The following TMEM114 variants were observed in gnomAD, a reference collection of about 807,000 sequenced individuals.
TMEM114 encodes transmembrane protein 114, also known as claudin-26.
TMEM114 carries 6 observed loss-of-function variants against 6.2 expected under a neutral mutation model. The observed-to-expected ratio is 0.97, with a 90% CI of 0.53 to 1.91. The LOEUF is 1.91. TMEM114 is among the 40% of genes most tolerant of loss of function. The pLI is 0.01. For synonymous variants in TMEM114, 104 were observed against 73.0 expected (o/e 1.42, Z -2.16); for missense variants, 218 against 158.3 (o/e 1.38, Z -2.02).
intron 2 of TMEM114, among the ~76,000 whole-genome samples, chr16:8,556,060 A>C (rs534578049): frequency 6.6e-6 from 1 of 152,344 alleles, no homozygotes; most frequent in Non-Finnish European, 1.5e-5. Context: ...CAGCTCTGTG[A>C]ATCATAATAC....
At chr16:8,556,225 C>G (rs1313848977) in intron 2 of TMEM114, among the ~76,000 whole-genome samples, 4 of 152,186 alleles carry the variant, frequency 2.6e-5, no homozygotes, top group Non-Finnish European at 5.9e-5. Context: ...CAAGTATCAG[C>G]CCCTCTGCCG....
rs1163247824 is a variant in TMEM114, at chr16:8,563,887, TAGTG to T, written n.212+25322_212+25325del. On this transcript the variant is annotated intron_variant and non_coding_transcript_variant, in intron 2 of 2. Coordinates refer to the TMEM114 transcript ENST00000623677. ...TGAGTGAATGAGTGAGTGAGTGAAT[TAGTG>T]AGTGAATGAATGAGTGAGTGAGGGA... Among the ~76,000 whole-genome samples, 122 of 71,778 alleles carry T rather than the reference TAGTG, an allele frequency of 1.7e-3. No homozygotes were observed. In the East Asian group the frequency reaches 0.037, roughly 22 times the overall value. The allele number at this position is 71,778 out of a possible 152,430, so 47.1% of individuals were successfully genotyped here.
intron 2 of TMEM114, 58 bp from the exon 3 acceptor site, chr16:8,572,282 A>T (rs1901760737): frequency 6.5e-7 from 1 of 1,543,756 alleles, no homozygotes; most frequent in East Asian, 2.4e-5. Context: ...CCTTCATTCA[A>T]TCAACAAACA....
downstream of TMEM114, among the ~76,000 whole-genome samples, chr16:8,569,038 C>T (rs899865959): frequency 6.6e-6 from 1 of 152,186 alleles, no homozygotes; most frequent in Non-Finnish European, 1.5e-5. Flanking sequence ...GCTCAGACAC[C>T]CTGGGGGTGG....
At chr16:8,536,761 T>C (rs1900372821), downstream of TMEM114, among the ~76,000 whole-genome samples, 1 of 152,142 alleles carries the variant, frequency 6.6e-6, no homozygotes, top group African/African-American at 2.4e-5. Context: ...GGACTCCCAG[T>C]TGAGGCACTG....
At chr16:8,527,567 C>T in the TMEM114 span, among the ~76,000 whole-genome samples, 8 of 152,004 alleles carry the variant, frequency 5.3e-5, no homozygotes, top group Non-Finnish European at 1.0e-4. Flanking sequence ...TGGAATTTTG[C>T]GTGTTTTTAG....
At chr16:8,575,459 T>G (rs1567208407) in intron 2 of TMEM114, among the ~76,000 whole-genome samples, 1 of 152,210 alleles carries the variant, frequency 6.6e-6, no homozygotes, top group Non-Finnish European at 1.5e-5. Flanking sequence ...CTGTATTAAA[T>G]TATCTACCAT....
At chr16:8,564,857 GTGAATGAA>G (rs1901476050), downstream of TMEM114, among the ~76,000 whole-genome samples, 1 of 34,050 alleles carries the variant, frequency 2.9e-5, no homozygotes, top group African/African-American at 1.4e-4. Context: ...GAATGAGTGA[GTGAATGAA>G]TGAGGGAGGG....
downstream of TMEM114, among the ~76,000 whole-genome samples, chr16:8,535,413 T>C (rs1007876596): frequency 2.6e-5 from 4 of 152,110 alleles, no homozygotes; most frequent in Non-Finnish European, 5.9e-5. Context: ...TCGGGATTTT[T>C]TTTTCTTCTT....
chr16:8,531,354 C>T, the TMEM114 span, among the ~76,000 whole-genome samples: 1 of 152,208 alleles, frequency 6.6e-6, no homozygotes, highest in African/African-American at 2.4e-5. Flanking sequence ...CCTAAAACCA[C>T]AACACATAAC....
At chr16:8,534,691 G>A (rs761401479), downstream of TMEM114, among the ~76,000 whole-genome samples, 2 of 152,220 alleles carry the variant, frequency 1.3e-5, no homozygotes, top group East Asian at 1.9e-4. Context: ...CTTTGAGCAA[G>A]TCCTTTGATC....
In TMEM114 at chr16:8,572,245, T is replaced by C. The variant is rs986933561; in HGVS notation, c.302-21A>G. 10 of 1,550,740 alleles carry C rather than the reference T, an allele frequency of 6.4e-6. No homozygotes were observed. The African/African-American group carries it at 1.2e-4, about 19-fold the overall frequency. On this transcript the variant is annotated intron_variant, in intron 2 of 3. Coordinates refer to ENST00000620492, the MANE Select transcript of TMEM114 (RefSeq NM_001146336.2). ...CATGGCTTAGAAGAGACAGAGAGGA[T>C]ACCAGGCAGAGGACAGTTACTAACA...
intron 3 of TMEM114, among the ~76,000 whole-genome samples, chr16:8,571,061 G>A (rs1034484580): frequency 4.6e-5 from 7 of 151,770 alleles, no homozygotes; most frequent in African/African-American, 9.7e-5. Flanking sequence ...TTCACCTCCA[G>A]ACATCCCTTT....
downstream of TMEM114, among the ~76,000 whole-genome samples, chr16:8,567,326 C>T (rs1033038913): frequency 6.6e-6 from 1 of 152,166 alleles, no homozygotes; most frequent in Non-Finnish European, 1.5e-5. Flanking sequence ...TGGAGATTTT[C>T]TTGGCCACCC....
chr16:8,527,715 G>A, the TMEM114 span, among the ~76,000 whole-genome samples: 1 of 152,108 alleles, frequency 6.6e-6, no homozygotes. Flanking sequence ...GCTCAGGGAG[G>A]TTTAGTAACT....
At position 8,588,246 on chromosome 16, in the gene TMEM114, C is replaced by T. The variant is rs986726288; in HGVS notation, c.301+967G>A. Among the ~76,000 whole-genome samples the T allele has an allele frequency of 5.7e-3, 860 of 150,554 alleles. 12 individuals carry two copies. Among genetic ancestry groups the T allele is most frequent in the African/African-American group, 0.02 (823 of 40,872 alleles). On this transcript the variant is annotated intron_variant, in intron 2 of 3. Coordinates refer to ENST00000620492, the MANE Select transcript of TMEM114 (RefSeq NM_001146336.2). ...AGGTTGCAGTGAGCCAAGATTATGC[C>T]ACTGTACTCCAGCCTGGGCAACAGA...
chr16:8,529,297 G>C, the TMEM114 span, among the ~76,000 whole-genome samples: 1 of 152,174 alleles, frequency 6.6e-6, no homozygotes, highest in Non-Finnish European at 1.5e-5. Context: ...ATTCCAAAAT[G>C]GTTCTGACCA....
At chr16:8,557,544 T>C (rs554067913) in intron 2 of TMEM114, among the ~76,000 whole-genome samples, 4 of 152,278 alleles carry the variant, frequency 2.6e-5, no homozygotes, top group East Asian at 1.9e-4. Flanking sequence ...ACAAGCAATA[T>C]ACAAGGGTCA....
intron 2 of TMEM114, among the ~76,000 whole-genome samples, chr16:8,562,556 G>T (rs1402738408): frequency 1.2e-5 from 1 of 80,274 alleles, no homozygotes; most frequent in Non-Finnish European, 2.7e-5. Context: ...GAGTGAGTGC[G>T]TCAATGAGTG....
Sources: allele counts gnomAD v4.1 joint callset (sites outside exome capture counted in the v4.1 genomes callset), GRCh38; gene constraint gnomAD v4.1.1; transcripts MANE v1.5; gene names NCBI Gene and HGNC (gene_info 2026-07-23, HGNC 2026-07-21).